HAT1: variants seen among roughly 807,000 people sequenced by gnomAD.
HAT1 encodes histone acetyltransferase 1, also known as histone acetyltransferase type B catalytic subunit.
HAT1 carries 20 observed loss-of-function variants against 56.6 expected under a neutral mutation model. That is an observed-to-expected ratio of 0.35 (90% CI 0.25 to 0.51). The LOEUF (loss-of-function observed/expected upper bound fraction) is 0.51. Ranked by LOEUF, HAT1 falls within the 20% of genes least tolerant of loss-of-function variation. The pLI, the probability that HAT1 is intolerant of heterozygous loss-of-function variation, is 0.95. For missense variants in HAT1, 408 were observed against 504.3 expected (o/e 0.81, Z 1.83); for synonymous variants, 146 against 165.5 (o/e 0.88, Z 0.91).
chr2:171,941,402 G>A (rs1403514037), intron 2 of HAT1, among the ~76,000 whole-genome samples: 3 of 152,046 alleles, frequency 2.0e-5, no homozygotes, highest in African/African-American at 4.8e-5. Context: ...TAGTAGTGAC[G>A]GGGTTTCTCC....
rs185777125 is a variant in HAT1, at chr2:171,935,312, C to T, written c.112+9671C>T. 1.8e-3 allele frequency among the ~76,000 whole-genome samples: 259 copies of T among 144,392 alleles called. 1 individual carries two copies. The highest frequency in any genetic ancestry group is 6.4e-3 in the African/African-American group (254 of 39,400). The allele number at this position is 144,392 out of a possible 152,430, so 94.7% of individuals were successfully genotyped here. ...GGTGGATCACCCGAGGTCAGGAGTT[C>T]GAGACCAGCCTGGCCAACATGGTGA... On this transcript the variant is annotated intron_variant, in intron 2 of 10. Coordinates refer to ENST00000264108, the MANE Select transcript of HAT1 (RefSeq NM_003642.4).
In HAT1 at chr2:171,970,952, G is replaced by A. The variant is rs541763353; in HGVS notation, c.823+4003G>A. 5.3e-5 allele frequency among the ~76,000 whole-genome samples: 8 copies of A among 151,916 alleles called. No homozygotes were observed. In the South Asian group the frequency reaches 1.7e-3, roughly 32 times the overall value. On this transcript the variant is annotated intron_variant, in intron 8 of 10. Coordinates refer to ENST00000264108, the MANE Select transcript of HAT1 (RefSeq NM_003642.4). ...GCCATGGCTCACGCCTGTAATCCCA[G>A]CACTTTGGGAGGCCGAGGCGGGCAG...
chr2:171,947,394 C>T (rs1687194158), intron 3 of HAT1, among the ~76,000 whole-genome samples: 1 of 151,860 alleles, frequency 6.6e-6, no homozygotes, highest in African/African-American at 2.4e-5. Context: ...GCTGGGACTA[C>T]AGGCACACAC....
At chr2:171,925,268 C>T (rs1686558225) in intron 1 of HAT1, among the ~76,000 whole-genome samples, 1 of 151,872 alleles carries the variant, frequency 6.6e-6, no homozygotes, top group Non-Finnish European at 1.5e-5. Context: ...AGACGGGTTT[C>T]ACCATCTTGG....
chr2:171,953,626 T>TTAAAAAAAAA (rs1375933255), intron 4 of HAT1, among the ~76,000 whole-genome samples: 1 of 84,630 alleles, frequency 1.2e-5, no homozygotes, highest in Non-Finnish European at 2.0e-5. Flanking sequence ...CCCTGTCTCT[T>TTAAAAAAAAA]AAAAAAAAAA....
At chr2:171,924,239 G>T (rs138722368) in intron 1 of HAT1, 3,246 of 146,684 alleles carry the variant, frequency 0.022, 54 homozygotes, top group Middle Eastern at 0.038. Flanking sequence ...ACTGAGTCTC[G>T]CTCTGTCACC....
At position 171,946,690 on chromosome 2, in the gene HAT1, T is replaced by C; in HGVS notation, c.113-18T>C. The stretch of plus-strand genomic sequence containing the variant: ...TTAGTTATCTTTAATATCTCTATTT[T>C]TTTGTCCCTTGAAACAGTTCGTTTT... On this transcript the variant is annotated intron_variant, in intron 2 of 10. Coordinates refer to ENST00000264108, the MANE Select transcript of HAT1 (RefSeq NM_003642.4). 1 of 1,453,456 alleles carries C rather than the reference T, an allele frequency of 6.9e-7. No individual in the cohort carries two copies. The allele number at this position is 1,453,456 out of a possible 1,614,324, so 90.0% of individuals were successfully genotyped here. A position where few individuals can be genotyped will look rare whatever the true frequency, so the allele number is the denominator to read the frequency against.
chr2:171,957,271 G>T (rs2105329156), intron 4 of HAT1, among the ~76,000 whole-genome samples: 1 of 152,300 alleles, frequency 6.6e-6, no homozygotes, highest in Non-Finnish European at 1.5e-5. Context: ...GGGTCCAGAG[G>T]GTGGAGCTGC....
chr2:171,937,980 G>T (rs1308526203), intron 2 of HAT1, among the ~76,000 whole-genome samples: 2 of 147,324 alleles, frequency 1.4e-5, no homozygotes, highest in Non-Finnish European at 3.0e-5. Context: ...CTGCAGCCTG[G>T]GCAACAGAGC....
chr2:171,955,293 G>T (rs969360482), intron 4 of HAT1, among the ~76,000 whole-genome samples: 1 of 152,138 alleles, frequency 6.6e-6, no homozygotes, highest in African/African-American at 2.4e-5. Flanking sequence ...ACCTTGAATG[G>T]ACTGTTGGTA....
chr2:171,938,829 T>C (rs1686943038), intron 2 of HAT1, among the ~76,000 whole-genome samples: 1 of 152,098 alleles, frequency 6.6e-6, no homozygotes, highest in African/African-American at 2.4e-5. Context: ...CAACCTCCAC[T>C]TCCTGGATTC....
At chr2:171,977,680 G>GTACTTTGCCACATGCTCTGGC (rs1311726944) in intron 9 of HAT1, among the ~76,000 whole-genome samples, 2 of 149,492 alleles carry the variant, frequency 1.3e-5, no homozygotes, top group African/African-American at 2.4e-5. Flanking sequence ...CAGCCTGTTA[G>GTACTTTGCCACATGCTCTGGC]TACTTTGCCA....
intron 1 of HAT1, chr2:171,922,800 C>T (rs1686475045): frequency 5.3e-6 from 2 of 378,082 alleles, no homozygotes; most frequent in South Asian, 1.5e-4. Context: ...TAAAATGCCA[C>T]ATGCCTTGGG....
intron 1 of HAT1, among the ~76,000 whole-genome samples, chr2:171,925,282 G>A (rs1369020310): frequency 6.6e-6 from 1 of 152,032 alleles, no homozygotes; most frequent in African/African-American, 2.4e-5. Context: ...ATCTTGGCGA[G>A]GCTGACCTCG....
intron 2 of HAT1, among the ~76,000 whole-genome samples, chr2:171,939,950 G>A (rs1407680324): frequency 6.6e-6 from 1 of 151,946 alleles, no homozygotes; most frequent in Non-Finnish European, 1.5e-5. Flanking sequence ...TTTTTATTAT[G>A]TGTAGAGAAA....
In HAT1 at chr2:171,983,301, G is replaced by C; in HGVS notation, c.1209G>C (p.Gln403His). 1.2e-6 allele frequency: 2 copies of C among 1,608,270 alleles called. No homozygotes were observed. Among genetic ancestry groups the C allele is most frequent in the Non-Finnish European group, 1.7e-6 (2 of 1,175,904 alleles). The part of the protein sequence containing the change: ...MQHEQLEESF[Q>H]ELVEDYRRVI... ...ATGAACAGCTGGAAGAGAGTTTTCA[G>C]GAACTAGTGGAAGATTACCGGCGTG... The change falls in exon 11 of 11, where the codon CAG becomes CAC. Residue 403 changes from glutamine (Q) to histidine (H), a missense_variant. Transcript: ENST00000264108.
chr2:171,946,169 C>T (rs1380510635), intron 2 of HAT1, among the ~76,000 whole-genome samples: 1 of 152,134 alleles, frequency 6.6e-6, no homozygotes, highest in East Asian at 1.9e-4. Flanking sequence ...CAGGAATTTC[C>T]CCTGTGTATA....
chr2:171,926,014 T>C (rs150785892), intron 2 of HAT1, among the ~76,000 whole-genome samples: 3 of 152,352 alleles, frequency 2.0e-5, no homozygotes, highest in East Asian at 3.9e-4. Flanking sequence ...TAAAGTGATA[T>C]AACTATTTTG....
chr2:171,935,967 T>G (rs933261721), intron 2 of HAT1, among the ~76,000 whole-genome samples: 9 of 152,062 alleles, frequency 5.9e-5, no homozygotes, highest in African/African-American at 1.9e-4. Context: ...GTACAATGTT[T>G]GAAATAGAGA....
Sources: allele counts gnomAD v4.1 joint callset (sites outside exome capture counted in the v4.1 genomes callset), GRCh38; gene constraint gnomAD v4.1.1; transcripts MANE v1.5; gene names NCBI Gene and HGNC (gene_info 2026-07-23, HGNC 2026-07-21).